Variants in HMGCLL1 observed in about 807,000 individuals in gnomAD.
HMGCLL1 encodes 3-hydroxymethyl-3-methylglutaryl-CoA lyase, cytoplasmic.
HMGCLL1 carries 36 observed loss-of-function variants against 39.1 expected under a neutral mutation model. The ratio of observed to expected loss-of-function variants is 0.92; its 90% CI spans 0.71 to 1.22. The LOEUF is 1.22. HMGCLL1 is among the 50% of genes most tolerant of loss of function. HMGCLL1 has a pLI of 0.00. For synonymous variants in HMGCLL1, 149 were observed against 144.0 expected, an observed-to-expected ratio of 1.03 and a Z score of -0.25; for missense variants, 451 against 416.5, an observed-to-expected ratio of 1.08 and a Z score of -0.72.
At chr6:55,608,677 T>C in the HMGCLL1 span, among the ~76,000 whole-genome samples, 2 of 152,218 alleles carry the variant, frequency 1.3e-5, no homozygotes, top group Non-Finnish European at 2.9e-5. Context: ...TCACCTAAAA[T>C]AATTTCTAAA....
intron 7 of HMGCLL1, among the ~76,000 whole-genome samples, chr6:55,490,243 A>G (rs1240401445): frequency 1.3e-5 from 2 of 152,116 alleles, no homozygotes; most frequent in Non-Finnish European, 2.9e-5. Flanking sequence ...GAGAATGGAG[A>G]TCACAATGTA....
intron 7 of HMGCLL1, among the ~76,000 whole-genome samples, chr6:55,487,281 A>G (rs536102885): frequency 2.0e-5 from 3 of 151,414 alleles, no homozygotes; most frequent in Non-Finnish European, 4.4e-5. Context: ...AAGTTTGTCA[A>G]TTTTGTTGAT....
intron 5 of HMGCLL1, among the ~76,000 whole-genome samples, chr6:55,508,132 G>T (rs531636757): frequency 6.6e-6 from 1 of 151,810 alleles, no homozygotes; most frequent in Non-Finnish European, 1.5e-5. Context: ...TATATTTGGA[G>T]GGCCTGGTTA....
chr6:55,469,415 A>G (rs1764941184), intron 7 of HMGCLL1, among the ~76,000 whole-genome samples: 1 of 111,094 alleles, frequency 9.0e-6, no homozygotes, highest in African/African-American at 2.7e-5. Flanking sequence ...ATATATACTT[A>G]TAAGTATACA....
intron 5 of HMGCLL1, among the ~76,000 whole-genome samples, chr6:55,507,276 T>C (rs765411729): frequency 2.0e-5 from 3 of 151,704 alleles, no homozygotes; most frequent in Non-Finnish European, 4.4e-5. Context: ...AGAGTATACA[T>C]AGGGTTTGTT....
the HMGCLL1 span, among the ~76,000 whole-genome samples, chr6:55,665,831 A>G: frequency 6.6e-6 from 1 of 151,796 alleles, no homozygotes; most frequent in East Asian, 1.9e-4. Flanking sequence ...AGATAAGTAG[A>G]TGAAACATTT....
At chr6:55,577,131 C>T (rs746128891) in intron 1 of HMGCLL1, 2 of 1,608,958 alleles carry the variant, frequency 1.2e-6, no homozygotes, top group Non-Finnish European at 1.7e-6. Flanking sequence ...CCAGAGACAT[C>T]GGGCTGAAAG....
At chr6:55,525,591 G>A (rs999379663) in intron 3 of HMGCLL1, among the ~76,000 whole-genome samples, 1 of 151,922 alleles carries the variant, frequency 6.6e-6, no homozygotes, top group Non-Finnish European at 1.5e-5. Context: ...AACCGACTCA[G>A]TATGTGTCAT....
the HMGCLL1 span, among the ~76,000 whole-genome samples, chr6:55,645,281 G>A: frequency 6.6e-6 from 1 of 151,710 alleles, no homozygotes; most frequent in Non-Finnish European, 1.5e-5. Flanking sequence ...TTGTTTATCA[G>A]TTCTGGTATT....
the HMGCLL1 span, among the ~76,000 whole-genome samples, chr6:55,624,714 A>G: frequency 6.6e-6 from 1 of 152,202 alleles, no homozygotes; most frequent in Admixed American, 6.5e-5. Context: ...GGGACTTTCT[A>G]CCTCAGTCAA....
chr6:55,451,505 G>A (rs1429331905), intron 7 of HMGCLL1, among the ~76,000 whole-genome samples: 7 of 152,040 alleles, frequency 4.6e-5, no homozygotes, highest in East Asian at 3.9e-4. Flanking sequence ...TGCTGAGATC[G>A]CGCCATTGCA....
the HMGCLL1 span, among the ~76,000 whole-genome samples, chr6:55,644,362 T>A: frequency 1.3e-5 from 2 of 152,162 alleles, no homozygotes; most frequent in South Asian, 4.1e-4. Flanking sequence ...TTTCACTTTG[T>A]TGACTGTTTG....
chr6:55,495,607 C>A lies in HMGCLL1; in HGVS notation c.607G>T (p.Val203Leu). Residue 203 changes from valine to leucine, a missense_variant and splice_region_variant, in exon 7 of 9, where the codon GTG becomes TTG. Physicochemically the swap from Val to Leu is conservative, Grantham distance 32 (BLOSUM62 1). Coordinates refer to ENST00000274901, the MANE Select transcript of HMGCLL1 (RefSeq NM_001042406.2). ...CCCATGCCGTACAATCTCTTAGACA[C>A]CTGTTGATAAAGGTGAAGTGCTAGT... is the stretch of plus-strand genomic sequence containing the variant. ...GSITPQKVTEVSKRLYGMGCY... is the reference protein window; with the variant it reads ...GSITPQKVTELSKRLYGMGCY... 1.3e-6 allele frequency: 2 copies of A among 1,583,602 alleles called. No individual in the cohort carries two copies. Among genetic ancestry groups the A allele is most frequent in the Non-Finnish European group, 1.7e-6 (2 of 1,164,910 alleles).
intron 5 of HMGCLL1, among the ~76,000 whole-genome samples, chr6:55,508,488 T>C (rs962340079): frequency 1.3e-5 from 2 of 151,844 alleles, no homozygotes; most frequent in African/African-American, 4.8e-5. Context: ...GAGTACTTCT[T>C]CCAGGTATTC....
chr6:55,489,556 A>G (rs1766208954), intron 7 of HMGCLL1, among the ~76,000 whole-genome samples: 1 of 152,022 alleles, frequency 6.6e-6, no homozygotes, highest in South Asian at 2.1e-4. Context: ...TAGCAGCAAG[A>G]AAAAATCATT....
intron 3 of HMGCLL1, among the ~76,000 whole-genome samples, chr6:55,531,986 C>T (rs1581907292): frequency 1.3e-5 from 2 of 151,964 alleles, no homozygotes; most frequent in Admixed American, 6.6e-5. Flanking sequence ...ACATAGTAAA[C>T]GTAATGCACT....
At chr6:55,651,650 T>C in the HMGCLL1 span, among the ~76,000 whole-genome samples, 1 of 152,170 alleles carries the variant, frequency 6.6e-6, no homozygotes, top group South Asian at 2.1e-4. Context: ...AACCTGGGAC[T>C]AGGAGCTGCC....
intron 7 of HMGCLL1, among the ~76,000 whole-genome samples, chr6:55,480,734 T>C (rs1765696585): frequency 6.6e-6 from 1 of 151,720 alleles, no homozygotes; most frequent in African/African-American, 2.4e-5. Flanking sequence ...AAGCAACCTG[T>C]GTCCATCAAT....
At chr6:55,582,509 A>G (rs1315643376), upstream of HMGCLL1, among the ~76,000 whole-genome samples, 1 of 152,130 alleles carries the variant, frequency 6.6e-6, no homozygotes, top group Non-Finnish European at 1.5e-5. Context: ...AAATGGTTCA[A>G]TTAATATTTC....
Sources: gnomAD v4.1 joint callset for allele counts (sites outside exome capture counted in the v4.1 genomes callset) on GRCh38, gnomAD v4.1.1 for gene constraint, MANE v1.5 for transcripts, NCBI Gene and HGNC (gene_info 2026-07-23, HGNC 2026-07-21) for gene names.